CHCHD3: variants seen among roughly 807,000 people sequenced by gnomAD.
CHCHD3 encodes coiled-coil-helix-coiled-coil-helix domain containing 3.
In CHCHD3, 20 loss-of-function variants were observed where a neutral mutation model predicts 38.2. The observed-to-expected ratio is 0.52, with a 90% CI of 0.37 to 0.76. CHCHD3 has a LOEUF of 0.76. CHCHD3 is among the 30% of genes least tolerant of loss of function. The pLI is 0.00. For missense variants in CHCHD3, 245 were observed against 279.2 expected, an observed-to-expected ratio of 0.88 and a Z score of 0.87; for synonymous variants, 82 against 100.0, an observed-to-expected ratio of 0.82 and a Z score of 1.07.
At chr7:132,852,015 C>T (rs558457241) in intron 5 of CHCHD3, among the ~76,000 whole-genome samples, 12 of 152,270 alleles carry the variant, frequency 7.9e-5, no homozygotes, top group African/African-American at 2.6e-4. Context: ...TGGGCCAAGA[C>T]GAAAGCCATA....
chr7:132,914,932 C>T (rs540390051), intron 4 of CHCHD3, among the ~76,000 whole-genome samples: 2 of 152,232 alleles, frequency 1.3e-5, no homozygotes, highest in South Asian at 2.1e-4. Context: ...GAGGCTGAGG[C>T]GGGCAGATTA....
intron 6 of CHCHD3, among the ~76,000 whole-genome samples, chr7:132,832,468 T>C (rs979937955): frequency 3.3e-5 from 5 of 152,186 alleles, no homozygotes; most frequent in Non-Finnish European, 7.4e-5. Flanking sequence ...ATTCCAAAAA[T>C]ATTTTCAATA....
chr7:132,888,008 A>C (rs1280820655), intron 4 of CHCHD3, among the ~76,000 whole-genome samples: 1 of 151,914 alleles, frequency 6.6e-6, no homozygotes, highest in Non-Finnish European at 1.5e-5. Flanking sequence ...AAGGTTGTTT[A>C]GAATTGCAGA....
intron 5 of CHCHD3, among the ~76,000 whole-genome samples, chr7:132,841,388 G>T (rs1395021292): frequency 7.5e-6 from 1 of 133,266 alleles, no homozygotes; most frequent in Admixed American, 8.0e-5. Context: ...TTTACAAATG[G>T]ACAGAACTCA....
At chr7:132,920,193 TAA>T (rs1305615912) in intron 4 of CHCHD3, among the ~76,000 whole-genome samples, 1 of 152,170 alleles carries the variant, frequency 6.6e-6, no homozygotes, top group Non-Finnish European at 1.5e-5. Flanking sequence ...CTTTTGGAAA[TAA>T]AGTTTTATCG....
chr7:132,785,317 G>T lies in CHCHD3; in HGVS notation c.*320C>A. The T allele has an allele frequency of 3.4e-6, 1 of 295,390 alleles. No homozygotes were observed. Among genetic ancestry groups the T allele is most frequent in the Non-Finnish European group, 6.3e-6 (1 of 159,152 alleles). The allele number at this position is 295,390 out of a possible 1,614,324, so 18.3% of individuals were successfully genotyped here. ...CAAATGATGGGGCTTGTTCAGAAGA[G>T]AAACATTTTATGGTCAGTGCAAGTT... is the stretch of plus-strand genomic sequence containing the variant. On this transcript the variant is annotated 3_prime_UTR_variant, in exon 8 of 8. Transcript: ENST00000262570.
chr7:132,828,899 C>T (rs1460307354), intron 6 of CHCHD3, among the ~76,000 whole-genome samples: 3 of 152,090 alleles, frequency 2.0e-5, no homozygotes, highest in Non-Finnish European at 2.9e-5. Flanking sequence ...TTTAACTGTG[C>T]TCAAGTCCTA....
At chr7:132,789,190 A>G (rs1210174633) in intron 7 of CHCHD3, among the ~76,000 whole-genome samples, 1 of 152,212 alleles carries the variant, frequency 6.6e-6, no homozygotes, top group African/African-American at 2.4e-5. Flanking sequence ...CACTGCATAA[A>G]TTAACATAGG....
chr7:132,859,951 T>C (rs1808440342), intron 5 of CHCHD3, among the ~76,000 whole-genome samples: 1 of 152,172 alleles, frequency 6.6e-6, no homozygotes, highest in Admixed American at 6.5e-5. Flanking sequence ...AAATCAATTG[T>C]ATCAGAAACA....
intron 3 of CHCHD3, among the ~76,000 whole-genome samples, chr7:132,998,047 T>C (rs1812472236): frequency 6.6e-6 from 1 of 152,226 alleles, no homozygotes; most frequent in Non-Finnish European, 1.5e-5. Context: ...GAATATTCAT[T>C]ATATCTGGCT....
intron 4 of CHCHD3, among the ~76,000 whole-genome samples, chr7:132,906,922 G>C (rs979685474): frequency 2.6e-5 from 4 of 152,102 alleles, no homozygotes; most frequent in African/African-American, 7.2e-5. Context: ...AACTTACTCA[G>C]CTCTAAACAC....
intron 4 of CHCHD3, among the ~76,000 whole-genome samples, chr7:132,901,004 CAGAG>C (rs1308709476): frequency 6.6e-6 from 1 of 151,846 alleles, no homozygotes; most frequent in African/African-American, 2.4e-5. Context: ...AAACAAAAAA[CAGAG>C]AGAGAAAAAA....
At position 133,036,000 on chromosome 7, in the gene CHCHD3, A is replaced by G; in HGVS notation, c.170-11373T>C. 1 of 912,348 alleles carries G rather than the reference A, an allele frequency of 1.1e-6. No homozygotes were observed. The highest frequency in any genetic ancestry group is 1.8e-6 in the Non-Finnish European group (1 of 564,200). 56.5% of individuals were successfully genotyped at this position (912,348 alleles called of 1,614,324 possible). ...GTCCTTAGGGGAACTGTTTTAATGA[A>G]ACTAGTAATTAGAATACCAACTTAT... On this transcript the variant is annotated intron_variant, in intron 2 of 7. Coordinates refer to ENST00000262570, the MANE Select transcript of CHCHD3 (RefSeq NM_017812.4). This position sits in a 1 kb window ranked among gnomAD's most constrained non-coding sequence, Gnocchi z 4.7.
At chr7:132,932,514 G>A (rs997247731) in intron 4 of CHCHD3, among the ~76,000 whole-genome samples, 6 of 152,150 alleles carry the variant, frequency 3.9e-5, no homozygotes, top group South Asian at 2.1e-4. Flanking sequence ...ATTGGCCTAC[G>A]CAACTTGCCA....
rs758131709 is a variant in CHCHD3 at position 132,785,620 on chromosome 7, G to C, written c.*17C>G. On this transcript the variant is annotated 3_prime_UTR_variant, in exon 8 of 8. Transcript: ENST00000262570. ...CTGGAATTAACGTTGATGGTGTTTT[G>C]CTCATTCTGAAAGTTTTTATCCTCC... 6.2e-7 allele frequency: 1 copy of C among 1,613,346 alleles called. No individual in the cohort carries two copies. Among genetic ancestry groups the C allele is most frequent in the South Asian group, 1.1e-5 (1 of 91,022 alleles).
intron 3 of CHCHD3, among the ~76,000 whole-genome samples, chr7:132,979,228 G>C (rs1253920065): frequency 3.9e-5 from 6 of 152,106 alleles, no homozygotes; most frequent in African/African-American, 1.2e-4. Context: ...ATAAAACAGA[G>C]GGGCATTATA....
At chr7:132,975,362 T>G (rs1208528037) in intron 3 of CHCHD3, 76 bp from the exon 4 acceptor site, 1 of 1,294,216 alleles carries the variant, frequency 7.7e-7, no homozygotes, top group Admixed American at 1.9e-5. Flanking sequence ...ATGAAATAAT[T>G]TAAAAATAGA....
At chr7:133,046,502 G>A (rs1290660554) in intron 2 of CHCHD3, among the ~76,000 whole-genome samples, 1 of 152,054 alleles carries the variant, frequency 6.6e-6, no homozygotes, top group Non-Finnish European at 1.5e-5. Flanking sequence ...GTAAGTCAGT[G>A]TATATTACAA....
chr7:132,786,819 A>G (rs981368657), intron 7 of CHCHD3, among the ~76,000 whole-genome samples: 64 of 152,248 alleles, frequency 4.2e-4, no homozygotes, highest in African/African-American at 1.5e-3. Context: ...TGCTAAATAC[A>G]TGCTAAAATT....
Sources: allele counts gnomAD v4.1 joint callset (sites outside exome capture counted in the v4.1 genomes callset), GRCh38; gene constraint gnomAD v4.1.1; non-coding constraint Gnocchi (gnomAD v3.1); transcripts MANE v1.5; gene names NCBI Gene and HGNC (gene_info 2026-07-23, HGNC 2026-07-21).